Variants in KIAA0825 observed in about 807,000 individuals in gnomAD.
KIAA0825 encodes KIAA0825.
In KIAA0825, 119 loss-of-function variants were observed where a neutral mutation model predicts 147.6. The observed-to-expected ratio is 0.81, with a 90% CI of 0.69 to 0.94. The LOEUF is 0.94. Ranked by LOEUF, KIAA0825 falls within the 40% of genes least tolerant of loss-of-function variation. The pLI, the probability that KIAA0825 is intolerant of heterozygous loss-of-function variation, is 0.00. For synonymous variants in KIAA0825, 470 were observed against 518.1 expected (o/e 0.91, Z 1.26); for missense variants, 1,381 against 1,472.7 (o/e 0.94, Z 1.02).
intron 20 of KIAA0825, among the ~76,000 whole-genome samples, chr5:94,368,904 A>T (rs985682957): frequency 5.3e-5 from 8 of 152,160 alleles, no homozygotes; most frequent in African/African-American, 1.7e-4. Flanking sequence ...ATGGTGGCTC[A>T]CACCTGTAAT....
intron 1 of KIAA0825, among the ~76,000 whole-genome samples, chr5:94,591,520 C>G (rs762033851): frequency 1.3e-5 from 2 of 152,212 alleles, no homozygotes; most frequent in Non-Finnish European, 2.9e-5. Flanking sequence ...TGGTCTTTAG[C>G]TGACTTTAGC....
In KIAA0825 at chr5:94,243,329, G is replaced by T. The variant is rs142669659; in HGVS notation, c.3711-89205C>A. Among the ~76,000 whole-genome samples, 21 of 152,262 alleles carry T rather than the reference G, an allele frequency of 1.4e-4. 1 individual carries two copies. The East Asian group carries it at 3.9e-3, about 28-fold the overall frequency. The stretch of plus-strand genomic sequence containing the variant: ...AAAACTATACTTATGATCCTGAATG[G>T]CAGGCCTTGCAGGGTATAACATCCT... On this transcript the variant is annotated intron_variant, in intron 20 of 20. Coordinates refer to ENST00000682413, the MANE Select transcript of KIAA0825 (RefSeq NM_001145678.3).
At position 94,524,023 on chromosome 5, in the gene KIAA0825, A is replaced by C; in HGVS notation, c.207T>G (p.Thr69=). 6.2e-7 allele frequency: 1 copy of C among 1,610,264 alleles called. No individual in the cohort carries two copies. The highest frequency in any genetic ancestry group is 8.5e-7 in the Non-Finnish European group (1 of 1,177,372). Residue 69 remains threonine (T), a synonymous_variant, in exon 4 of 21, where the codon ACT becomes ACG. Transcript: ENST00000682413. The part of the protein sequence containing the change: ...QCPGVQLQTT[T]DCFEWLTNYN... ...AGTTAGTTAGCCATTCAAAGCAGTC[A>C]GTTGTTGTTTGCAGCTGCACACCTG... is the stretch of plus-strand genomic sequence containing the variant.
At chr5:94,364,680 G>C (rs1745582792) in intron 20 of KIAA0825, among the ~76,000 whole-genome samples, 1 of 152,162 alleles carries the variant, frequency 6.6e-6, no homozygotes, top group African/African-American at 2.4e-5. Flanking sequence ...AACTCTGGTT[G>C]TGTCAGTTTT....
At chr5:94,593,885 C>T (rs952844259) in intron 1 of KIAA0825, 36 of 398,440 alleles carry the variant, frequency 9.0e-5, no homozygotes, top group Non-Finnish European at 1.7e-4. Context: ...TTCCCTGCTC[C>T]CTTCTCCTCA....
intron 20 of KIAA0825, among the ~76,000 whole-genome samples, chr5:94,291,044 G>A (rs559128057): frequency 6.6e-6 from 1 of 152,248 alleles, no homozygotes; most frequent in Non-Finnish European, 1.5e-5. Flanking sequence ...CCCTTTGTCA[G>A]ATGGATAGAT....
chr5:94,293,757 T>C (rs1778011444), intron 20 of KIAA0825, among the ~76,000 whole-genome samples: 1 of 152,184 alleles, frequency 6.6e-6, no homozygotes, highest in Non-Finnish European at 1.5e-5. Flanking sequence ...AGTCTCTTTG[T>C]AGGTCTCTAA....
intron 20 of KIAA0825, among the ~76,000 whole-genome samples, chr5:94,323,647 T>G (rs190528468): frequency 6.6e-6 from 1 of 152,042 alleles, no homozygotes; most frequent in East Asian, 1.9e-4. Context: ...TTAATTGCTT[T>G]GAGTTAATTT....
chr5:94,480,359 G>A lies in KIAA0825; in HGVS notation c.1133-3154C>T, dbSNP rs1336021598. On this transcript the variant is annotated intron_variant, in intron 6 of 20. Transcript: ENST00000682413. ...TTTTTAACATGGAGGTATGTATGAA[G>A]TAGTTACTCTTTCACCCTATTTAAA... is the stretch of plus-strand genomic sequence containing the variant. Among the ~76,000 whole-genome samples the A allele has an allele frequency of 3.9e-5, 6 of 152,024 alleles. No homozygotes were observed. The South Asian group carries it at 1.2e-3, about 31-fold the overall frequency.
intron 14 of KIAA0825, among the ~76,000 whole-genome samples, chr5:94,426,605 T>C (rs548509255): frequency 6.6e-6 from 1 of 152,290 alleles, no homozygotes; most frequent in South Asian, 2.1e-4. Context: ...GCTACAAACA[T>C]ACAGTTAGAA....
At chr5:94,553,277 A>G (rs1042524565) in intron 2 of KIAA0825, among the ~76,000 whole-genome samples, 10 of 151,740 alleles carry the variant, frequency 6.6e-5, no homozygotes, top group African/African-American at 2.4e-4. Context: ...TGTCTCTACT[A>G]AAAATACAAA....
At chr5:94,529,366 T>TA (rs1434802987) in intron 3 of KIAA0825, among the ~76,000 whole-genome samples, 2 of 83,076 alleles carry the variant, frequency 2.4e-5, no homozygotes, top group Non-Finnish European at 5.8e-5. Context: ...ATATATCATA[T>TA]ATGTATATAT....
intron 1 of KIAA0825, among the ~76,000 whole-genome samples, chr5:94,603,997 T>C (rs917936472): frequency 1.3e-5 from 2 of 152,152 alleles, no homozygotes; most frequent in African/African-American, 4.8e-5. Flanking sequence ...TAATACCCCA[T>C]TGACAATGTT....
At chr5:94,595,456 G>A (rs1785116711) in intron 1 of KIAA0825, among the ~76,000 whole-genome samples, 2 of 152,170 alleles carry the variant, frequency 1.3e-5, no homozygotes, top group African/African-American at 4.8e-5. Flanking sequence ...TCCCTAGACT[G>A]CACACAGCAG....
In KIAA0825 at chr5:94,151,874, G is replaced by C. The variant is rs1475037652; in HGVS notation, c.*2133C>G. On this transcript the variant is annotated 3_prime_UTR_variant, in exon 21 of 21. Transcript: ENST00000682413. ...TTTCCATTTTTGCATCTTGTCTAATGAAGCACAGTTATGCAGATTTAGTAC... is the reference window on the plus strand; with the variant it reads ...TTTCCATTTTTGCATCTTGTCTAATCAAGCACAGTTATGCAGATTTAGTAC... Among the ~76,000 whole-genome samples the C allele has an allele frequency of 6.6e-6, 1 of 152,134 alleles. No individual in the cohort carries two copies. The highest frequency in any genetic ancestry group is 1.5e-5 in the Non-Finnish European group (1 of 68,014).
chr5:94,599,395 C>T (rs1338779019), intron 1 of KIAA0825, among the ~76,000 whole-genome samples: 2 of 116,876 alleles, frequency 1.7e-5, no homozygotes. Flanking sequence ...GATGAGGGTT[C>T]CATGAAAAGT....
intron 2 of KIAA0825, among the ~76,000 whole-genome samples, chr5:94,543,000 G>A (rs1399815237): frequency 1.3e-5 from 2 of 152,138 alleles, no homozygotes; most frequent in Non-Finnish European, 2.9e-5. Context: ...CACAGTCTCT[G>A]CACACAGTGT....
At chr5:94,578,988 T>C (rs1341622388) in intron 2 of KIAA0825, among the ~76,000 whole-genome samples, 3 of 152,138 alleles carry the variant, frequency 2.0e-5, no homozygotes, top group African/African-American at 7.2e-5. Flanking sequence ...GGCATGGTCT[T>C]GGCTCACTGC....
At chr5:94,435,753 T>C (rs1290763871) in intron 14 of KIAA0825, among the ~76,000 whole-genome samples, 1 of 152,188 alleles carries the variant, frequency 6.6e-6, no homozygotes, top group Non-Finnish European at 1.5e-5. Flanking sequence ...GGAAAATTGC[T>C]CCTTTTTCTC....
Sources: allele counts gnomAD v4.1 joint callset (sites outside exome capture counted in the v4.1 genomes callset), GRCh38; gene constraint gnomAD v4.1.1; transcripts MANE v1.5; gene names NCBI Gene and HGNC (gene_info 2026-07-23, HGNC 2026-07-21).